Variants in MAN1A1 observed in about 807,000 individuals in gnomAD.
MAN1A1 encodes the protein mannosidase alpha class 1A member 1, also known as mannosyl-oligosaccharide 1,2-alpha-mannosidase IA.
A neutral mutation model predicts 70.8 loss-of-function variants in MAN1A1; 29 were observed. The observed-to-expected ratio is 0.41, with a 90% CI of 0.31 to 0.56. The LOEUF (loss-of-function observed/expected upper bound fraction) is 0.56. Among genes scored for constraint, MAN1A1 ranks in the 20% least tolerant of loss-of-function variants. The pLI is 0.29. For synonymous variants in MAN1A1, 349 were observed against 330.1 expected (o/e 1.06, Z -0.62); for missense variants, 747 against 841.3 (o/e 0.89, Z 1.39).
At chr6:119,214,477 T>C (rs763837759) in intron 6 of MAN1A1, among the ~76,000 whole-genome samples, 4 of 152,182 alleles carry the variant, frequency 2.6e-5, no homozygotes, top group Non-Finnish European at 4.4e-5. Context: ...AGTTTTTAAA[T>C]TGTAAAATGC....
chr6:119,285,459 T>G (rs921832040), intron 5 of MAN1A1, among the ~76,000 whole-genome samples: 2 of 152,134 alleles, frequency 1.3e-5, no homozygotes, highest in Admixed American at 1.3e-4. Flanking sequence ...GGGACACACA[T>G]CCGAACTATA....
At chr6:119,217,839 T>C (rs1774252586) in intron 6 of MAN1A1, among the ~76,000 whole-genome samples, 1 of 152,212 alleles carries the variant, frequency 6.6e-6, no homozygotes, top group African/African-American at 2.4e-5. Flanking sequence ...TATATGGATA[T>C]CTAGAAAGGG....
intron 2 of MAN1A1, among the ~76,000 whole-genome samples, chr6:119,308,193 C>A (rs1286695699): frequency 6.6e-6 from 1 of 152,114 alleles, no homozygotes; most frequent in East Asian, 1.9e-4. Flanking sequence ...TACTCAGTCA[C>A]CACATTTTTC....
intron 2 of MAN1A1, among the ~76,000 whole-genome samples, chr6:119,334,120 C>T (rs189069564): frequency 7.6e-4 from 116 of 152,186 alleles, no homozygotes; most frequent in African/African-American, 2.7e-3. Context: ...GGTTTATTTT[C>T]GATCAATTTT....
intron 6 of MAN1A1, among the ~76,000 whole-genome samples, chr6:119,247,558 T>C (rs1341920087): frequency 1.3e-5 from 2 of 152,220 alleles, no homozygotes; most frequent in Admixed American, 1.3e-4. Context: ...ACAAAATCGT[T>C]TATTAATGAA....
At chr6:119,286,938 G>A (rs544546530) in intron 5 of MAN1A1, among the ~76,000 whole-genome samples, 21 of 151,952 alleles carry the variant, frequency 1.4e-4, no homozygotes, top group Middle Eastern at 3.4e-3. Flanking sequence ...GCTCCTACAC[G>A]TCCTATCTCC....
chr6:119,283,248 T>G, intron 5 of MAN1A1, among the ~76,000 whole-genome samples: 1 of 152,248 alleles, frequency 6.6e-6, no homozygotes, highest in South Asian at 2.1e-4. Flanking sequence ...TTATTTATAT[T>G]ATCCATGTAC....
intron 2 of MAN1A1, among the ~76,000 whole-genome samples, chr6:119,345,809 T>C (rs1773712565): frequency 6.6e-6 from 1 of 152,122 alleles, no homozygotes; most frequent in Non-Finnish European, 1.5e-5. Flanking sequence ...ATAAAGAGAA[T>C]TAGAAAATAC....
chr6:119,297,896 A>G (rs1772266905), intron 4 of MAN1A1, among the ~76,000 whole-genome samples: 1 of 151,182 alleles, frequency 6.6e-6, no homozygotes, highest in African/African-American at 2.4e-5. Flanking sequence ...GAAATCCACC[A>G]GCCTGGGCCT....
chr6:119,270,187 G>A (rs538639516), intron 5 of MAN1A1, among the ~76,000 whole-genome samples: 1 of 152,104 alleles, frequency 6.6e-6, no homozygotes, highest in African/African-American at 2.4e-5. Context: ...AGAAGCCCTG[G>A]TTAGTGGAAA....
At chr6:119,190,314 T>A (rs970122864) in intron 9 of MAN1A1, among the ~76,000 whole-genome samples, 2 of 152,100 alleles carry the variant, frequency 1.3e-5, no homozygotes, top group African/African-American at 4.8e-5. Context: ...GTGGCAGAAC[T>A]CTTCCTTTCA....
chr6:119,193,649 G>T (rs1006281602), intron 9 of MAN1A1, 128 bp downstream of exon 9: 1 of 557,512 alleles, frequency 1.8e-6, no homozygotes, highest in Non-Finnish European at 3.1e-6. Context: ...AGCAGATATC[G>T]AACTCTACCT....
chr6:119,225,369 G>A (rs1274823034), intron 6 of MAN1A1, among the ~76,000 whole-genome samples: 1 of 151,972 alleles, frequency 6.6e-6, no homozygotes, highest in African/African-American at 2.4e-5. Context: ...ACTCTAGCCT[G>A]AGTGACAGAG....
At chr6:119,231,520 C>T (rs140579369) in intron 6 of MAN1A1, among the ~76,000 whole-genome samples, 5 of 152,208 alleles carry the variant, frequency 3.3e-5, no homozygotes, top group Non-Finnish European at 7.4e-5. Context: ...TTCTTCATAG[C>T]GGTGTGAGAA....
At chr6:119,336,320 G>A (rs377225949) in intron 2 of MAN1A1, among the ~76,000 whole-genome samples, 3 of 152,012 alleles carry the variant, frequency 2.0e-5, no homozygotes, top group East Asian at 1.9e-4. Flanking sequence ...TCCTCCCTTC[G>A]GCCTCCCAAA....
chr6:119,341,370 G>C (rs1190894229), intron 2 of MAN1A1, among the ~76,000 whole-genome samples: 1 of 152,144 alleles, frequency 6.6e-6, no homozygotes, highest in African/African-American at 2.4e-5. Flanking sequence ...GGAGGGCCTG[G>C]TCAGCCAGTC....
intron 5 of MAN1A1, among the ~76,000 whole-genome samples, chr6:119,267,700 C>T (rs1310807068): frequency 1.3e-5 from 2 of 152,138 alleles, no homozygotes; most frequent in African/African-American, 4.8e-5. Context: ...CCTTCTCTCT[C>T]CCCCAAAGTA....
intron 5 of MAN1A1, among the ~76,000 whole-genome samples, chr6:119,271,297 A>T (rs989974565): frequency 1.3e-5 from 2 of 152,202 alleles, no homozygotes; most frequent in Non-Finnish European, 2.9e-5. Flanking sequence ...CTTAAAAGAC[A>T]TTTATTTCAT....
chr6:119,339,815 G>A (rs1427150398), intron 2 of MAN1A1, among the ~76,000 whole-genome samples: 1 of 152,108 alleles, frequency 6.6e-6, no homozygotes, highest in Non-Finnish European at 1.5e-5. Context: ...AAATGGACAC[G>A]CATGGTGGCT....
Sources: gnomAD v4.1 joint callset for allele counts (sites outside exome capture counted in the v4.1 genomes callset) on GRCh38, gnomAD v4.1.1 for gene constraint, MANE v1.5 for transcripts, NCBI Gene and HGNC (gene_info 2026-07-23, HGNC 2026-07-21) for gene names.